The following MLXIPL variants were observed in gnomAD, a reference collection of about 807,000 sequenced individuals.
MLXIPL encodes the protein MLX interacting protein like.
Under a neutral mutation model 81.5 loss-of-function variants are expected in MLXIPL, and 49 were observed. That is an observed-to-expected ratio of 0.60 (90% CI 0.48 to 0.76). MLXIPL has a LOEUF of 0.76. Among genes scored for constraint, MLXIPL ranks in the 30% least tolerant of loss-of-function variants. The pLI, the probability that MLXIPL is intolerant of heterozygous loss-of-function variation, is 0.00. For missense variants in MLXIPL, 1,053 were observed against 1,167.0 expected (o/e 0.90, Z 1.42); for synonymous variants, 466 against 485.5 (o/e 0.96, Z 0.53).
chr7:73,643,430 C>T, the MLXIPL span, among the ~76,000 whole-genome samples: 2 of 151,120 alleles, frequency 1.3e-5, no homozygotes, highest in Admixed American at 1.3e-4. Context: ...AGGAGAATGG[C>T]GTGAACCCGG....
At position 73,597,553 on chromosome 7, in the gene MLXIPL, G is replaced by A; in HGVS notation, c.1232C>T (p.Pro411Leu). The A allele has an allele frequency of 7.3e-7, 1 of 1,367,032 alleles. No individual in the cohort carries two copies. Among genetic ancestry groups the A allele is most frequent in the Non-Finnish European group, 9.5e-7 (1 of 1,058,066 alleles). 84.7% of individuals were successfully genotyped at this position (1,367,032 alleles called of 1,614,324 possible). Residue 411 changes from proline (P) to leucine (L), a missense_variant, in exon 9 of 17, where the codon CCC (proline) becomes CTC (leucine). By Grantham distance (98) the Pro-to-Leu change is moderately conservative (BLOSUM62 -3). Around this residue, in one of 3 missense-constraint regions of MLXIPL, gnomAD observed 823 missense variants for 933.0 expected, o/e 0.88. Coordinates refer to ENST00000313375, the MANE Select transcript of MLXIPL (RefSeq NM_032951.3). ...PAKVPGLEPC[P>L]PPPFPPMAPP... ...TGCCATGGGAGGGAAGGGAGGTGGG[G>A]GGCAGGGCTCCAGGCCTGGCACCTT...
At chr7:73,633,657 T>C in the MLXIPL span, among the ~76,000 whole-genome samples, 1 of 151,902 alleles carries the variant, frequency 6.6e-6, no homozygotes, top group South Asian at 2.1e-4. Flanking sequence ...TCTTGCTATA[T>C]TGCCTAAACT....
At position 73,606,461 on chromosome 7, in the gene MLXIPL, T is replaced by C. The variant is rs1323442331; in HGVS notation, c.619-350A>G. 20 of 367,870 alleles carry C rather than the reference T, an allele frequency of 5.4e-5. No homozygotes were observed. The Middle Eastern group carries it at 2.6e-3, about 48-fold the overall frequency. The allele number at this position is 367,870 out of a possible 1,614,324, so 22.8% of individuals were successfully genotyped here. On this transcript the variant is annotated intron_variant, in intron 5 of 16. Coordinates refer to ENST00000313375, the MANE Select transcript of MLXIPL (RefSeq NM_032951.3). ...TTTTTTTGGAGACGGAGTCTCACTC[T>C]GTTGCCCAGGCTGGAGTGCAGTGGC...
At chr7:73,620,197 A>G (rs1008705336) in intron 1 of MLXIPL, among the ~76,000 whole-genome samples, 2 of 151,798 alleles carry the variant, frequency 1.3e-5, no homozygotes, top group African/African-American at 4.8e-5. Flanking sequence ...TGAGGTCAGG[A>G]GTTCAAGACC....
intron 2 of MLXIPL, chr7:73,609,157 C>A (rs1440036497): frequency 6.6e-6 from 1 of 151,714 alleles, no homozygotes; most frequent in African/African-American, 2.4e-5. Flanking sequence ...GAGACAGGGC[C>A]CCACTATGTT....
chr7:73,597,139 G>T (rs1794396212), intron 9 of MLXIPL, 43 bp downstream of exon 9: 3 of 1,556,924 alleles, frequency 1.9e-6, no homozygotes, highest in Non-Finnish European at 2.6e-6. Flanking sequence ...CCACCCCCTG[G>T]CCTCCCTCCC....
At chr7:73,630,407 C>A in the MLXIPL span, among the ~76,000 whole-genome samples, 1 of 151,622 alleles carries the variant, frequency 6.6e-6, no homozygotes, top group African/African-American at 2.4e-5. Flanking sequence ...ATCCTCCCAC[C>A]TAAACCTCCC....
chr7:73,600,406 A>G (rs1554595792), intron 7 of MLXIPL, among the ~76,000 whole-genome samples: 3 of 52,542 alleles, frequency 5.7e-5, no homozygotes, highest in Non-Finnish European at 7.1e-5. Context: ...GCTGGGCTCC[A>G]AGTGGGGTGT....
At chr7:73,598,849 G>C (rs150456655) in intron 8 of MLXIPL, among the ~76,000 whole-genome samples, 4,528 of 152,124 alleles carry the variant, frequency 0.03, 228 homozygotes, top group African/African-American at 0.1. Context: ...GCCAGGTGTG[G>C]TGGCTCACAC....
chr7:73,602,211 C>T (rs1483638155), intron 7 of MLXIPL, among the ~76,000 whole-genome samples: 12 of 133,192 alleles, frequency 9.0e-5, no homozygotes, highest in African/African-American at 2.3e-4. Flanking sequence ...CTCTCTTTCT[C>T]TCTTTCTTTC....
At chr7:73,644,773 A>T in the MLXIPL span, among the ~76,000 whole-genome samples, 1 of 152,154 alleles carries the variant, frequency 6.6e-6, no homozygotes, top group African/African-American at 2.4e-5. Flanking sequence ...CAGGGATGGA[A>T]AACGCTTCTC....
chr7:73,606,416 C>CT, intron 5 of MLXIPL: 1 of 446,398 alleles, frequency 2.2e-6, no homozygotes, highest in Non-Finnish European at 4.0e-6. Context: ...TGTTTGTTTT[C>CT]TTTTTCTTTT....
intron 2 of MLXIPL, among the ~76,000 whole-genome samples, 146 bp downstream of exon 2, chr7:73,615,912 CAAAAAAAAAAAAA>C (rs71082239): frequency 3.8e-5 from 2 of 53,234 alleles, no homozygotes; most frequent in Non-Finnish European, 8.2e-5. Flanking sequence ...GACTGTGTCT[CAAAAAAAAAAAAA>C]AAAAAAAAAG....
rs571868013 is a variant in MLXIPL, at chr7:73,595,431, C to G, written c.2310+206G>C. 2.0e-4 allele frequency among the ~76,000 whole-genome samples: 30 copies of G among 152,290 alleles called. No individual in the cohort carries two copies. In the South Asian group the frequency reaches 6.0e-3, roughly 30 times the overall value. On this transcript the variant is annotated intron_variant, in intron 15 of 16. Coordinates refer to ENST00000313375, the MANE Select transcript of MLXIPL (RefSeq NM_032951.3). ...CAAGGACTCCTCCCTCAGTTTCCCT[C>G]TCTGCTCCCAGCCCCCCATCCCTGG...
chr7:73,624,051 G>C (rs935963279), intron 1 of MLXIPL, 149 bp downstream of exon 1: 6 of 1,107,910 alleles, frequency 5.4e-6, no homozygotes, highest in African/African-American at 4.9e-5. Flanking sequence ...TGGGAGAAAG[G>C]GGGTGTCCAG....
chr7:73,624,648 C>T (rs1273704607), upstream of MLXIPL: 3 of 1,329,822 alleles, frequency 2.3e-6, no homozygotes, highest in African/African-American at 4.7e-5. Context: ...TAGCATAATC[C>T]TTACGCCAGG....
Position 73,597,205 on chromosome 7 carries a change from C to T in MLXIPL, c.1580G>A (p.Cys527Tyr), listed in dbSNP as rs1375242811. The change falls in exon 9 of 17, where the codon TGC becomes TAC. Residue 527 changes from cysteine (C) to tyrosine (Y), a missense_variant. By Grantham distance (194) the Cys-to-Tyr change is radical (BLOSUM62 -2). Transcript: ENST00000313375. ...PPTTAGSNNP[C>Y]LTQLLTAAKP... ...ACCTGCTGTGAGCAGCTGTGTGAGGCAGGGGTTGTTGCTCCCCGCAGTGGT... is the reference window on the plus strand; with the variant it reads ...ACCTGCTGTGAGCAGCTGTGTGAGGTAGGGGTTGTTGCTCCCCGCAGTGGT... 5 of 1,605,368 alleles carry T rather than the reference C, an allele frequency of 3.1e-6. No individual in the cohort carries two copies. Among genetic ancestry groups the T allele is most frequent in the Non-Finnish European group, 3.4e-6 (4 of 1,178,264 alleles).
At chr7:73,629,888 T>C in the MLXIPL span, among the ~76,000 whole-genome samples, 1 of 152,180 alleles carries the variant, frequency 6.6e-6, no homozygotes, top group Non-Finnish European at 1.5e-5. Flanking sequence ...GAATTAGCTA[T>C]ATAAAGCTAA....
At chr7:73,619,318 G>A (rs555545295) in intron 1 of MLXIPL, among the ~76,000 whole-genome samples, 17 of 152,106 alleles carry the variant, frequency 1.1e-4, no homozygotes, top group Middle Eastern at 6.8e-3. Context: ...AAAATTAGCC[G>A]GACGTGGTGG....
Sources: gnomAD v4.1 joint callset for allele counts (sites outside exome capture counted in the v4.1 genomes callset) on GRCh38, gnomAD v4.1.1 for gene constraint, gnomAD v4.1.1 regional missense constraint, MANE v1.5 for transcripts, NCBI Gene and HGNC (gene_info 2026-07-23, HGNC 2026-07-21) for gene names.